The following NRG2 variants were observed in gnomAD, a reference collection of about 807,000 sequenced individuals.
NRG2 encodes pro-neuregulin-2, membrane-bound isoform.
NRG2 carries 27 observed loss-of-function variants against 73.9 expected under a neutral mutation model. The ratio of observed to expected loss-of-function variants is 0.37; its 90% CI spans 0.27 to 0.50. The LOEUF is 0.50. Among genes scored for constraint, NRG2 ranks in the 20% least tolerant of loss-of-function variants. NRG2 has a pLI of 0.96. For synonymous variants in NRG2, 532 were observed against 541.0 expected (o/e 0.98, Z 0.23); for missense variants, 1,126 against 1,210.1 (o/e 0.93, Z 1.03).
At chr5:139,910,426 T>C (rs1765499171) in intron 1 of NRG2, among the ~76,000 whole-genome samples, 1 of 152,152 alleles carries the variant, frequency 6.6e-6, no homozygotes, top group African/African-American at 2.4e-5. Flanking sequence ...GAAATTGATA[T>C]CCACCTACCC....
In NRG2 at chr5:139,848,024, C is replaced by T; in HGVS notation, c.2446G>A (p.Ala816Thr). ...RSDSPPLCPA[A>T]DSRTYYSLDS... ...AGTGAGTAGTAAGTCCTGCTGTCGG[C>T]CGCCGGGCACAGTGGCGGCGAGTCC... Residue 816 changes from alanine to threonine, a missense_variant, in exon 10 of 10, where the codon GCC becomes ACC. Ala to Thr is a moderately conservative substitution (Grantham distance 58). Coordinates refer to ENST00000361474, the MANE Select transcript of NRG2 (RefSeq NM_004883.3). The T allele has an allele frequency of 6.6e-7, 1 of 1,510,642 alleles. No individual in the cohort carries two copies. Among genetic ancestry groups the T allele is most frequent in the Non-Finnish European group, 8.8e-7 (1 of 1,134,594 alleles). The allele number at this position is 1,510,642 out of a possible 1,614,324, so 93.6% of individuals were successfully genotyped here.
rs537460654 is a variant in NRG2, at chr5:139,893,502, C to A, written c.701-5991G>T. Among the ~76,000 whole-genome samples, 30 of 152,326 alleles carry A rather than the reference C, an allele frequency of 2.0e-4. No individual in the cohort carries two copies. The East Asian group carries it at 5.6e-3, about 28-fold the overall frequency. On this transcript the variant is annotated intron_variant, in intron 1 of 9. Coordinates refer to ENST00000361474, the MANE Select transcript of NRG2 (RefSeq NM_004883.3). ...GGGAGAAAGTTCCCAGCACTCTGCA[C>A]CCATGGCCATTACTGACACCCTGAT...
chr5:139,983,313 T>C (rs1297788130), intron 1 of NRG2, among the ~76,000 whole-genome samples: 1 of 152,158 alleles, frequency 6.6e-6, no homozygotes, highest in African/African-American at 2.4e-5. Flanking sequence ...CAGGGTCACA[T>C]GAGAAAGGTC....
At chr5:139,938,905 A>AAAAG (rs1164805368) in intron 1 of NRG2, among the ~76,000 whole-genome samples, 8,172 of 75,196 alleles carry the variant, frequency 0.11, 441 homozygotes, top group Non-Finnish European at 0.13. Context: ...AGAAAGAAAG[A>AAAAG]AAAGAAAGAA....
At chr5:139,957,167 A>C (rs1436802758) in intron 1 of NRG2, among the ~76,000 whole-genome samples, 1 of 152,108 alleles carries the variant, frequency 6.6e-6, no homozygotes, top group East Asian at 1.9e-4. Flanking sequence ...TCTCTTGGTT[A>C]CATAGCTTTG....
chr5:139,859,015 C>G (rs1176826941), intron 5 of NRG2, among the ~76,000 whole-genome samples: 3 of 152,132 alleles, frequency 2.0e-5, no homozygotes, highest in African/African-American at 7.2e-5. Flanking sequence ...TGTCTGAGAT[C>G]CCACCCCACT....
At chr5:139,880,270 TGAGG>T (rs1170280018) in intron 3 of NRG2, among the ~76,000 whole-genome samples, 1 of 152,168 alleles carries the variant, frequency 6.6e-6, no homozygotes, top group Non-Finnish European at 1.5e-5. Context: ...GCCTCTACCC[TGAGG>T]CTGGGTCTGC....
chr5:139,917,403 C>T (rs148480235), intron 1 of NRG2, among the ~76,000 whole-genome samples: 40 of 152,202 alleles, frequency 2.6e-4, no homozygotes, highest in African/African-American at 9.4e-4. Context: ...AGGCATGCAC[C>T]GCTGTGCCTG....
At chr5:139,975,566 G>C (rs910938598) in intron 1 of NRG2, among the ~76,000 whole-genome samples, 5 of 152,234 alleles carry the variant, frequency 3.3e-5, no homozygotes, top group African/African-American at 1.2e-4. Context: ...TAACCCTATG[G>C]GCAGTCCTGC....
At chr5:139,874,275 G>C (rs1043597837) in intron 3 of NRG2, among the ~76,000 whole-genome samples, 3 of 152,170 alleles carry the variant, frequency 2.0e-5, no homozygotes, top group Non-Finnish European at 4.4e-5. Context: ...GAGAAGTGAA[G>C]GTGACGTGGA....
At chr5:139,925,752 G>A (rs926009480) in intron 1 of NRG2, among the ~76,000 whole-genome samples, 3 of 152,198 alleles carry the variant, frequency 2.0e-5, no homozygotes, top group South Asian at 2.1e-4. Context: ...AGCCTGCAGC[G>A]CAGGCTCCTG....
chr5:139,875,199 G>T (rs1409766981), intron 3 of NRG2, among the ~76,000 whole-genome samples: 3 of 152,124 alleles, frequency 2.0e-5, no homozygotes, highest in Non-Finnish European at 1.5e-5. Context: ...TTTTAGTAGA[G>T]ATGGGGTTTC....
chr5:139,923,269 A>G (rs1751813104), intron 1 of NRG2, among the ~76,000 whole-genome samples: 1 of 152,194 alleles, frequency 6.6e-6, no homozygotes, highest in African/African-American at 2.4e-5. Flanking sequence ...TGCTCTAAAA[A>G]AAAGTACATC....
At chr5:140,035,258 G>A (rs1175451088) in intron 1 of NRG2, among the ~76,000 whole-genome samples, 1 of 151,834 alleles carries the variant, frequency 6.6e-6, no homozygotes, top group Non-Finnish European at 1.5e-5. Context: ...TCTGATTATT[G>A]GAAACCCTTC....
At chr5:139,980,570 C>T (rs751937588) in intron 1 of NRG2, among the ~76,000 whole-genome samples, 3 of 152,150 alleles carry the variant, frequency 2.0e-5, no homozygotes, top group Non-Finnish European at 4.4e-5. Flanking sequence ...TCCTTGAAGG[C>T]TGGGGGCAGG....
rs998779999 is a variant in NRG2, at chr5:139,894,527, C to T, written c.701-7016G>A. On this transcript the variant is annotated intron_variant, in intron 1 of 9. Transcript: ENST00000361474. This position sits in a 1 kb window ranked among gnomAD's most constrained non-coding sequence, Gnocchi z 5.0. ...GGCACAGACGGCCTAGGCAGCCAGG[C>T]ATCCTACCCATGGCCTGCAGAAGAG... 6.6e-6 allele frequency among the ~76,000 whole-genome samples: 1 copy of T among 151,966 alleles called. No individual in the cohort carries two copies. The highest frequency in any genetic ancestry group is 2.4e-5 in the African/African-American group (1 of 41,382).
rs1388389365 is a variant in NRG2 at position 139,853,715 on chromosome 5, A to G, written c.1293-688T>C. On this transcript the variant is annotated intron_variant, in intron 6 of 9. Transcript: ENST00000361474. The surrounding 1 kb of genome is among the most constrained non-coding windows in gnomAD (Gnocchi z 4.1). ...TAATCATGTCCCTCCCCTGTTTAAG[A>G]CCCTTCATTGTGAACTCACGGAGAT... Among the ~76,000 whole-genome samples, 3 of 152,018 alleles carry G rather than the reference A, an allele frequency of 2.0e-5. No homozygotes were observed. The highest frequency in any genetic ancestry group is 4.4e-5 in the Non-Finnish European group (3 of 68,002).
chr5:139,897,593 C>T (rs986361555), intron 1 of NRG2, among the ~76,000 whole-genome samples: 1 of 152,160 alleles, frequency 6.6e-6, no homozygotes, highest in Non-Finnish European at 1.5e-5. Flanking sequence ...TGGTGTCTGT[C>T]ACTGGGTAGG....
At chr5:139,990,213 T>C (rs1484512359) in intron 1 of NRG2, among the ~76,000 whole-genome samples, 1 of 152,214 alleles carries the variant, frequency 6.6e-6, no homozygotes, top group Non-Finnish European at 1.5e-5. Context: ...TTTTGTGGTA[T>C]GTAAATGTCA....
Sources: allele counts gnomAD v4.1 joint callset (sites outside exome capture counted in the v4.1 genomes callset), GRCh38; gene constraint gnomAD v4.1.1; non-coding constraint Gnocchi (gnomAD v3.1); transcripts MANE v1.5; gene names NCBI Gene and HGNC (gene_info 2026-07-23, HGNC 2026-07-21).